FBXL13: variants seen among roughly 807,000 people sequenced by gnomAD.
The protein encoded by FBXL13 is F-box and leucine rich repeat protein 13.
FBXL13 carries 67 observed loss-of-function variants against 83.6 expected under a neutral mutation model. The observed-to-expected ratio is 0.80, with a 90% CI of 0.66 to 0.98. The LOEUF is 0.98. FBXL13 is among the 50% of genes least tolerant of loss of function. FBXL13 has a pLI of 0.00. For synonymous variants in FBXL13, 272 were observed against 299.5 expected (o/e 0.91, Z 0.95); for missense variants, 822 against 866.5 (o/e 0.95, Z 0.64).
chr7:102,959,358 C>A (rs1824809135), intron 8 of FBXL13, among the ~76,000 whole-genome samples: 2 of 152,136 alleles, frequency 1.3e-5, no homozygotes, highest in Non-Finnish European at 2.9e-5. Context: ...CACTGTCTTG[C>A]GTTTGGAGTT....
intron 18 of FBXL13, among the ~76,000 whole-genome samples, chr7:102,826,897 C>A (rs1799831448): frequency 6.8e-6 from 1 of 147,932 alleles, no homozygotes; most frequent in Admixed American, 6.8e-5. Context: ...TATCTTCTTG[C>A]ATATTATGTT....
exon 14 of FBXL13, chr7:102,883,401 A>G: frequency 1.9e-6 from 3 of 1,613,838 alleles, no homozygotes; most frequent in Non-Finnish European, 2.5e-6. Flanking sequence ...AGCCATATAA[A>G]TGTGACTGAG....
At chr7:102,984,007 T>C (rs1828617820) in intron 6 of FBXL13, among the ~76,000 whole-genome samples, 1 of 152,178 alleles carries the variant, frequency 6.6e-6, no homozygotes, top group Non-Finnish European at 1.5e-5. Flanking sequence ...AACCTAATTA[T>C]ATTCATGTGA....
chr7:102,885,698 C>G (rs1205963983), intron 11 of FBXL13, among the ~76,000 whole-genome samples: 1 of 151,990 alleles, frequency 6.6e-6, no homozygotes, highest in African/African-American at 2.4e-5. Flanking sequence ...TTGCCAAATC[C>G]AAGGTCATGA....
At chr7:102,816,518 C>T (rs1353845133) in intron 19 of FBXL13, among the ~76,000 whole-genome samples, 1 of 152,130 alleles carries the variant, frequency 6.6e-6, no homozygotes, top group African/African-American at 2.4e-5. Flanking sequence ...AGACCCAGGA[C>T]CTTGCCAAGA....
Position 102,968,136 on chromosome 7 carries a change from A to T in FBXL13, c.496-19T>A. Reference sequence around the variant, plus strand: ...AGAAAATCTAAACACAAAGAAAAATACACAACTTTGAAAAATGTGAACTTT... The same window carrying T: ...AGAAAATCTAAACACAAAGAAAAATTCACAACTTTGAAAAATGTGAACTTT... On this transcript the variant is annotated intron_variant, in intron 6 of 19. Coordinates refer to ENST00000313221, the Ensembl canonical transcript of FBXL13. 1 of 1,552,598 alleles carries T rather than the reference A, an allele frequency of 6.4e-7. No homozygotes were observed. The highest frequency in any genetic ancestry group is 2.2e-5 in the East Asian group (1 of 44,566).
intron 6 of FBXL13, among the ~76,000 whole-genome samples, chr7:103,022,482 A>C (rs372757978): frequency 6.6e-6 from 1 of 152,196 alleles, no homozygotes; most frequent in African/African-American, 2.4e-5. Flanking sequence ...AGTATAAAAA[A>C]AAAAACCAGA....
intron 10 of FBXL13, 143 bp from the exon 12 acceptor site, chr7:102,913,358 T>A: frequency 1.1e-6 from 1 of 930,450 alleles, no homozygotes; most frequent in Non-Finnish European, 1.6e-6. Context: ...GTTAACTCTC[T>A]ACCTGTTAAT....
At chr7:102,845,912 AT>A (rs752020948) in intron 17 of FBXL13, among the ~76,000 whole-genome samples, 35 of 152,338 alleles carry the variant, frequency 2.3e-4, no homozygotes, top group Non-Finnish European at 4.3e-4. Flanking sequence ...TTATCACAGC[AT>A]TATGACTAAA....
chr7:102,982,159 A>G (rs570617195), intron 6 of FBXL13, among the ~76,000 whole-genome samples: 11 of 152,116 alleles, frequency 7.2e-5, no homozygotes, highest in Non-Finnish European at 1.6e-4. Context: ...ATTCAGGGGC[A>G]TGAGGAGTTC....
intron 10 of FBXL13, among the ~76,000 whole-genome samples, chr7:102,923,690 G>A (rs974507242): frequency 3.9e-5 from 6 of 152,048 alleles, no homozygotes; most frequent in Admixed American, 2.6e-4. Flanking sequence ...CAGGCGTGGT[G>A]GCGGGCGCCT....
At chr7:103,071,139 A>T (rs1335838109) in intron 1 of FBXL13, among the ~76,000 whole-genome samples, 1 of 152,178 alleles carries the variant, frequency 6.6e-6, no homozygotes, top group African/African-American at 2.4e-5. Context: ...AAAAGATCCA[A>T]ACTTGAGCTC....
intron 11 of FBXL13, among the ~76,000 whole-genome samples, chr7:102,901,906 T>C (rs531555919): frequency 5.3e-5 from 8 of 152,336 alleles, no homozygotes; most frequent in Admixed American, 4.6e-4. Context: ...GGAGTGCAGA[T>C]TTCTCTTTGA....
chr7:103,029,730 G>A (rs957182468), intron 2 of FBXL13, among the ~76,000 whole-genome samples: 1 of 152,034 alleles, frequency 6.6e-6, no homozygotes, highest in African/African-American at 2.4e-5. Flanking sequence ...TAGAATTGCA[G>A]TTCTGCTGTT....
intron 8 of FBXL13, among the ~76,000 whole-genome samples, chr7:102,935,896 G>A (rs1161375444): frequency 2.6e-5 from 4 of 152,202 alleles, no homozygotes; most frequent in Non-Finnish European, 5.9e-5. Context: ...GAAAGGGGAA[G>A]TTCAGAGAGG....
chr7:103,005,731 C>T (rs1189400756), intron 6 of FBXL13, among the ~76,000 whole-genome samples: 1 of 152,104 alleles, frequency 6.6e-6, no homozygotes, highest in Admixed American at 6.6e-5. Context: ...TTTAATTTTT[C>T]ATCAACTCTC....
At chr7:102,881,753 G>A (rs1480021319) in intron 14 of FBXL13, among the ~76,000 whole-genome samples, 2 of 152,136 alleles carry the variant, frequency 1.3e-5, no homozygotes, top group Admixed American at 6.5e-5. Context: ...GCCAGCTGGA[G>A]CTTCAGTCAT....
At chr7:103,063,234 C>A (rs988766424) in intron 1 of FBXL13, among the ~76,000 whole-genome samples, 4 of 152,066 alleles carry the variant, frequency 2.6e-5, no homozygotes, top group East Asian at 1.9e-4. Context: ...AACCACAGAT[C>A]AAAAATATTT....
intron 6 of FBXL13, among the ~76,000 whole-genome samples, chr7:103,008,646 C>T (rs113205940): frequency 0.012 from 1,887 of 152,190 alleles, 40 homozygotes; most frequent in African/African-American, 0.043. Context: ...CAATCTCCGC[C>T]TCCAGGGTTC....
Sources: gnomAD v4.1 joint callset for allele counts (sites outside exome capture counted in the v4.1 genomes callset) on GRCh38, gnomAD v4.1.1 for gene constraint, MANE v1.5 for transcripts, NCBI Gene and HGNC (gene_info 2026-07-23, HGNC 2026-07-21) for gene names.